Variants in SNX27 observed in about 807,000 individuals in gnomAD.
The protein encoded by SNX27 is sorting nexin-27.
Under a neutral mutation model 71.6 loss-of-function variants are expected in SNX27, and 22 were observed. The observed-to-expected ratio is 0.31, with a 90% confidence interval of 0.22 to 0.44. The LOEUF (loss-of-function observed/expected upper bound fraction) is 0.44, where lower values mean the gene tolerates loss of function less well. Among genes scored for constraint, SNX27 ranks in the 20% least tolerant of loss-of-function variants. The probability of loss-of-function intolerance (pLI) is 1.00; values close to 1 mark genes in which losing one functional copy is unlikely to be tolerated. For missense variants in SNX27, 531 were observed against 698.6 expected (o/e 0.76, Z 2.70); for synonymous variants, 269 against 277.2 (o/e 0.97, Z 0.29).
In SNX27 at chr1:151,694,386, C is replaced by T. The variant is rs1191011195; in HGVS notation, c.1595C>T (p.Ala532Val). Residue 532 changes from alanine (A) to valine (V), a missense_variant, in exon 12 of 12, where the codon GCG becomes GTG. Physicochemically the swap from Ala to Val is moderately conservative, Grantham distance 64. Around this residue, in one of 5 missense-constraint regions of SNX27, gnomAD observed 157 missense variants for 178.4 expected, o/e 0.88. Transcript: ENST00000458013. ...TCCTTTCAGAACATTTTCCAGATGG[C>T]GAGGTCACAGCAGAGAGATGTGGCC... is the stretch of plus-strand genomic sequence containing the variant. The part of the protein sequence containing the change: ...KWRKENIFQM[A>V]RSQQRDVAT 9.0e-6 allele frequency: 14 copies of T among 1,549,358 alleles called. No homozygotes were observed. The highest frequency in any genetic ancestry group is 4.9e-5 in the East Asian group (2 of 40,882).
intron 2 of SNX27, among the ~76,000 whole-genome samples, chr1:151,652,340 C>G (rs971376573): frequency 1.7e-4 from 26 of 151,374 alleles, no homozygotes; most frequent in Admixed American, 2.6e-4. Flanking sequence ...CTGATTTTTT[C>G]CTCAGCTGTG....
intron 1 of SNX27, among the ~76,000 whole-genome samples, chr1:151,626,415 A>C (rs1667944067): frequency 6.6e-6 from 1 of 152,210 alleles, no homozygotes; most frequent in Non-Finnish European, 1.5e-5. Context: ...AATTTGTCAG[A>C]ATTATTGCAT....
At chr1:151,623,895 C>T (rs1667793191) in intron 1 of SNX27, among the ~76,000 whole-genome samples, 1 of 152,122 alleles carries the variant, frequency 6.6e-6, no homozygotes, top group South Asian at 2.1e-4. Context: ...TACTTTAAGA[C>T]CTCACTGGTA....
In SNX27 at chr1:151,696,669, T is replaced by TTTTTTTTTC. The variant is rs908237839; in HGVS notation, c.*2252_*2253insTTTTTTTTC. ...TTTTTCTGTTTTTTTTTTTTTTTTT[T>TTTTTTTTTC]CCCAGAGTCTTGCTCTGTCGCCCAG... On this transcript the variant is annotated 3_prime_UTR_variant, in exon 12 of 12. Transcript: ENST00000458013. 2 of 117,356 alleles carry TTTTTTTTTC rather than the reference T, an allele frequency of 1.7e-5. No homozygotes were observed. The highest frequency in any genetic ancestry group is 8.4e-5 in the African/African-American group (2 of 23,740). The allele number at this position is 117,356 out of a possible 1,614,324, so 7.3% of individuals were successfully genotyped here. A position where few individuals can be genotyped will look rare whatever the true frequency, so the allele number is the denominator to read the frequency against.
intron 8 of SNX27, among the ~76,000 whole-genome samples, chr1:151,688,536 G>A (rs946924803): frequency 1.1e-4 from 16 of 151,440 alleles, no homozygotes; most frequent in Non-Finnish European, 2.4e-4. Flanking sequence ...GGAGGCTGAG[G>A]CAGGAGAATT....
intron 1 of SNX27, among the ~76,000 whole-genome samples, chr1:151,626,176 A>T (rs1667930707): frequency 6.6e-6 from 1 of 151,914 alleles, no homozygotes; most frequent in Non-Finnish European, 1.5e-5. Context: ...ATCTTTCCAT[A>T]CTTAAAAAAA....
Position 151,630,567 on chromosome 1 carries a change from AAAC to A in SNX27, c.312-8316_312-8314del, listed in dbSNP as rs1668179230. ...GAGGGGCAAAATATTATTATTTCTA[AAAC>A]AACATTCCAAATGTCTTTGATATTT... On this transcript the variant is annotated intron_variant, in intron 1 of 11. Transcript: ENST00000458013. 2.0e-5 allele frequency among the ~76,000 whole-genome samples: 3 copies of A among 152,196 alleles called. No individual in the cohort carries two copies. The South Asian group carries it at 6.2e-4, about 31-fold the overall frequency.
rs61159507 is a variant in SNX27 at position 151,692,406 on chromosome 1, C to CTTTTTTT, written c.1240-9_1240-3dup. 124 of 854,622 alleles carry CTTTTTTT rather than the reference C, an allele frequency of 1.5e-4. 12 individuals are homozygous for CTTTTTTT. The highest frequency in any genetic ancestry group is 3.8e-4 in the African/African-American group (13 of 34,486). The allele number at this position is 854,622 out of a possible 1,614,324, so 52.9% of individuals were successfully genotyped here. A position where few individuals can be genotyped will look rare whatever the true frequency, so the allele number is the denominator to read the frequency against. ...TAACCCTGTTTCCTGTTTCTCCTTC[C>CTTTTTTT]TTTTTTTTTTTTTTTTTTTTTTTTT... On this transcript the variant is annotated intron_variant, in intron 8 of 11. Transcript: ENST00000458013.
chr1:151,683,440 G>A lies in SNX27; in HGVS notation c.1234G>A (p.Val412Ile). ...LQKLYEQRKM[V>I]MYLNMLRTCE... ...GAAGCTATACGAACAAAGAAAAATG[G>A]TCATGGTAAGTTTATGTCCCCATAA... is the stretch of plus-strand genomic sequence containing the variant. Residue 412 changes from valine to isoleucine, a missense_variant, in exon 8 of 12, where the codon GTC becomes ATC. By Grantham distance (29) the Val-to-Ile change is conservative (BLOSUM62 3). Around this residue, in one of 5 missense-constraint regions of SNX27, gnomAD observed 157 missense variants for 178.4 expected, o/e 0.88. Coordinates refer to ENST00000458013, the MANE Select transcript of SNX27 (RefSeq NM_001330723.2). 1 of 1,612,320 alleles carries A rather than the reference G, an allele frequency of 6.2e-7. No individual in the cohort carries two copies. The highest frequency in any genetic ancestry group is 8.5e-7 in the Non-Finnish European group (1 of 1,179,036).
Position 151,612,667 on chromosome 1 carries a change from T to C in SNX27, c.311+155T>C, listed in dbSNP as rs930737735. Among the ~76,000 whole-genome samples the C allele has an allele frequency of 2.0e-5, 3 of 150,216 alleles. No individual in the cohort carries two copies. The highest frequency in any genetic ancestry group is 4.4e-5 in the Non-Finnish European group (3 of 67,610). On this transcript the variant is annotated intron_variant, in intron 1 of 11. Transcript: ENST00000458013. This position sits in a 1 kb window ranked among gnomAD's most constrained non-coding sequence, Gnocchi z 5.2. ...CAGGCCTCCGCAGCCGGGCCCCTCCTTGTGGGCTGCCCTCCCACCACCCGC... is the reference window on the plus strand; with the variant it reads ...CAGGCCTCCGCAGCCGGGCCCCTCCCTGTGGGCTGCCCTCCCACCACCCGC...
chr1:151,630,119 A>G (rs1454718292), intron 1 of SNX27, among the ~76,000 whole-genome samples: 1 of 151,672 alleles, frequency 6.6e-6, no homozygotes, highest in Non-Finnish European at 1.5e-5. Flanking sequence ...TCAAAAAAAA[A>G]AAAAGAAACT....
chr1:151,637,667 C>T (rs985280107), intron 1 of SNX27, among the ~76,000 whole-genome samples: 2 of 151,956 alleles, frequency 1.3e-5, no homozygotes, highest in African/African-American at 4.8e-5. Context: ...ATTGTTAAAC[C>T]CTAAATTAAA....
intron 8 of SNX27, among the ~76,000 whole-genome samples, chr1:151,690,192 A>C (rs1408054678): frequency 1.3e-5 from 2 of 152,192 alleles, no homozygotes; most frequent in Non-Finnish European, 2.9e-5. Flanking sequence ...GAAAAATACA[A>C]TTAATCCCCT....
chr1:151,655,446 G>A (rs946324821), intron 2 of SNX27, among the ~76,000 whole-genome samples: 1 of 152,206 alleles, frequency 6.6e-6, no homozygotes, highest in African/African-American at 2.4e-5. Flanking sequence ...CTGGAGCTAT[G>A]TCTTGCTTTA....
chr1:151,641,484 G>A (rs1668716038), intron 2 of SNX27, among the ~76,000 whole-genome samples: 1 of 150,974 alleles, frequency 6.6e-6, no homozygotes, highest in Non-Finnish European at 1.5e-5. Context: ...GCATTCATGT[G>A]TCTTCATTGA....
In SNX27 at chr1:151,644,743, G is replaced by A. The variant is rs182312863; in HGVS notation, c.543+5624G>A. On this transcript the variant is annotated intron_variant, in intron 2 of 11. Transcript: ENST00000458013. ...CCATAGTTTTTACTCTTACGTTTAG[G>A]TCTGTGATCCATTTTGAGGGATTTA... 2.6e-5 allele frequency among the ~76,000 whole-genome samples: 4 copies of A among 152,162 alleles called. No individual in the cohort carries two copies. The East Asian group carries it at 7.7e-4, about 29-fold the overall frequency.
intron 1 of SNX27, among the ~76,000 whole-genome samples, chr1:151,628,929 T>G (rs1359786068): frequency 2.6e-5 from 4 of 152,216 alleles, no homozygotes; most frequent in African/African-American, 7.2e-5. Context: ...TAGTCTGTTT[T>G]GTTTTTTCAT....
In SNX27 at chr1:151,612,680, T is replaced by G. The variant is rs1223185108; in HGVS notation, c.311+168T>G. Among the ~76,000 whole-genome samples, 2 of 142,672 alleles carry G rather than the reference T, an allele frequency of 1.4e-5. No homozygotes were observed. The highest frequency in any genetic ancestry group is 2.2e-4 in the South Asian group (1 of 4,592). The allele number at this position is 142,672 out of a possible 152,430, so 93.6% of individuals were successfully genotyped here. A position where few individuals can be genotyped will look rare whatever the true frequency, so the allele number is the denominator to read the frequency against. Reference sequence around the variant, plus strand: ...CCGGGCCCCTCCTTGTGGGCTGCCCTCCCACCACCCGCCCCGGGGCTTCTG... The same window carrying G: ...CCGGGCCCCTCCTTGTGGGCTGCCCGCCCACCACCCGCCCCGGGGCTTCTG... On this transcript the variant is annotated intron_variant, in intron 1 of 11. Transcript: ENST00000458013. This position sits in a 1 kb window ranked among gnomAD's most constrained non-coding sequence, Gnocchi z 5.2.
At chr1:151,636,317 T>TA (rs1445720041) in intron 1 of SNX27, among the ~76,000 whole-genome samples, 1 of 152,216 alleles carries the variant, frequency 6.6e-6, no homozygotes, top group African/African-American at 2.4e-5. Context: ...TTTCATTTTT[T>TA]AAAAAACAGG....
Sources: allele counts gnomAD v4.1 joint callset (sites outside exome capture counted in the v4.1 genomes callset), GRCh38; gene constraint gnomAD v4.1.1; regional missense constraint gnomAD v4.1.1; non-coding constraint Gnocchi (gnomAD v3.1); transcripts MANE v1.5; gene names NCBI Gene and HGNC (gene_info 2026-07-23, HGNC 2026-07-21).